REV3L: variants seen among roughly 807,000 people sequenced by gnomAD.
REV3L encodes REV3 like, DNA directed polymerase zeta catalytic subunit.
In REV3L, 69 loss-of-function variants were observed where a neutral mutation model predicts 299.4. The ratio of observed to expected loss-of-function variants is 0.23; its 90% confidence interval spans 0.19 to 0.28. The LOEUF (loss-of-function observed/expected upper bound fraction) is 0.28, where lower values mean the gene tolerates loss of function less well. Ranked by LOEUF, REV3L falls within the 10% of genes least tolerant of loss-of-function variation. The pLI is 1.00. For missense variants in REV3L, 3,128 were observed against 3,693.8 expected (o/e 0.85, Z 3.97); for synonymous variants, 1,238 against 1,271.4 (o/e 0.97, Z 0.56).
Position 111,372,545 on chromosome 6 carries a change from T to C in REV3L, c.5759+51A>G, listed in dbSNP as rs781576118. On this transcript the variant is annotated intron_variant, in intron 13 of 31. Coordinates refer to ENST00000368802, the MANE Select transcript of REV3L (RefSeq NM_001372078.1). ...TTTTTTCAATCCCCATAGCATAATT[T>C]TATATATCATAATAATTCAGAGTGA... is the stretch of plus-strand genomic sequence containing the variant. 5 of 1,344,972 alleles carry C rather than the reference T, an allele frequency of 3.7e-6. No homozygotes were observed. In the African/African-American group the frequency reaches 7.4e-5, roughly 20 times the overall value. 83.3% of individuals were successfully genotyped at this position (1,344,972 alleles called of 1,614,324 possible).
intron 1 of REV3L, among the ~76,000 whole-genome samples, chr6:111,418,456 C>G (rs111410238): frequency 6.6e-6 from 1 of 152,082 alleles, no homozygotes; most frequent in African/African-American, 2.4e-5. Context: ...GAAGAATTAC[C>G]TTTCTATTTA....
At chr6:111,323,152 A>T (rs965828068) in intron 25 of REV3L, among the ~76,000 whole-genome samples, 5 of 152,034 alleles carry the variant, frequency 3.3e-5, no homozygotes, top group Non-Finnish European at 5.9e-5. Context: ...CCACACCCAG[A>T]GAATTTTTGT....
At chr6:111,318,632 C>T (rs1353874599) in intron 26 of REV3L, among the ~76,000 whole-genome samples, 2 of 152,016 alleles carry the variant, frequency 1.3e-5, no homozygotes, top group African/African-American at 4.8e-5. Context: ...AGTGCAATGG[C>T]GTGATCTCAG....
chr6:111,482,125 C>A (rs926774065), intron 1 of REV3L, among the ~76,000 whole-genome samples: 28 of 152,206 alleles, frequency 1.8e-4, no homozygotes, highest in African/African-American at 6.8e-4. Flanking sequence ...GACGCTCAGG[C>A]ACTAAACTCT....
chr6:111,332,016 T>TA (rs1159793877), intron 23 of REV3L, among the ~76,000 whole-genome samples: 1 of 152,176 alleles, frequency 6.6e-6, no homozygotes, highest in East Asian at 1.9e-4. Flanking sequence ...AATTTATGGG[T>TA]AAAATCTATA....
At chr6:111,432,374 T>C (rs765397738) in intron 1 of REV3L, among the ~76,000 whole-genome samples, 1 of 152,176 alleles carries the variant, frequency 6.6e-6, no homozygotes, top group African/African-American at 2.4e-5. Context: ...AAAAAAGATA[T>C]TCCATGCAAC....
At chr6:111,391,861 C>T (rs1467884087) in intron 5 of REV3L, among the ~76,000 whole-genome samples, 4 of 152,218 alleles carry the variant, frequency 2.6e-5, no homozygotes, top group African/African-American at 9.6e-5. Context: ...TGGTGTTGCA[C>T]ACCTATAGTC....
At chr6:111,345,230 G>A (rs1426853542) in intron 20 of REV3L, among the ~76,000 whole-genome samples, 1 of 152,020 alleles carries the variant, frequency 6.6e-6, no homozygotes, top group Admixed American at 6.6e-5. Flanking sequence ...CAGATAAAGA[G>A]GATGAAAACA....
rs1277034880 is a variant in REV3L at position 111,483,015 on chromosome 6, CAG to C, written c.-129_-128del. 2 of 1,169,686 alleles carry C rather than the reference CAG, an allele frequency of 1.7e-6. No individual in the cohort carries two copies. Among genetic ancestry groups the C allele is most frequent in the African/African-American group, 3.2e-5 (2 of 61,576 alleles). The allele number at this position is 1,169,686 out of a possible 1,614,324, so 72.5% of individuals were successfully genotyped here. A position where few individuals can be genotyped will look rare whatever the true frequency, so the allele number is the denominator to read the frequency against. On this transcript the variant is annotated 5_prime_UTR_variant, in exon 1 of 32. Coordinates refer to ENST00000368802, the MANE Select transcript of REV3L (RefSeq NM_001372078.1). ...CTCGGCACGGCCCCCTCCCCTCACACAGAGGCACCTCGAGGAGCGGCGGGCGG... is the reference window on the plus strand; with the variant it reads ...CTCGGCACGGCCCCCTCCCCTCACACAGGCACCTCGAGGAGCGGCGGGCGG...
At position 111,475,711 on chromosome 6, in the gene REV3L, A is replaced by T. The variant is rs147742677; in HGVS notation, c.139+7039T>A. On this transcript the variant is annotated intron_variant, in intron 1 of 31. Transcript: ENST00000368802. ...TTAGCCCTTTGTGAAGTATACAAAT[A>T]AGTTTTACTAGTCTGTTTCTCTTTT... 5.5e-3 allele frequency among the ~76,000 whole-genome samples: 833 copies of T among 152,290 alleles called. 33 individuals are homozygous for T. Among genetic ancestry groups the T allele is most frequent in the Admixed American group, 0.05 (770 of 15,304 alleles).
chr6:111,382,868 G>A (rs1259436260), intron 9 of REV3L, among the ~76,000 whole-genome samples: 2 of 152,162 alleles, frequency 1.3e-5, no homozygotes, highest in East Asian at 3.8e-4. Flanking sequence ...GGACAGGAGA[G>A]GAAGGAGTGA....
At chr6:111,474,988 T>TATATATACACACAC (rs151075609) in intron 1 of REV3L, among the ~76,000 whole-genome samples, 96 of 145,948 alleles carry the variant, frequency 6.6e-4, no homozygotes, top group African/African-American at 2.3e-3. Context: ...TGCCTATATA[T>TATATATACACACAC]ACACACACAC....
At chr6:111,352,700 G>T (rs2114952429) in intron 18 of REV3L, among the ~76,000 whole-genome samples, 1 of 152,240 alleles carries the variant, frequency 6.6e-6, no homozygotes, top group Admixed American at 6.5e-5. Context: ...CTTAATGGAA[G>T]AATGAAATAT....
chr6:111,406,478 A>G (rs1783639751), intron 3 of REV3L, among the ~76,000 whole-genome samples: 1 of 152,214 alleles, frequency 6.6e-6, no homozygotes, highest in Admixed American at 6.5e-5. Flanking sequence ...AACACAGAAG[A>G]CTACAGGTAA....
intron 19 of REV3L, among the ~76,000 whole-genome samples, chr6:111,349,865 A>G (rs996840716): frequency 6.6e-6 from 1 of 152,252 alleles, no homozygotes; most frequent in Admixed American, 6.5e-5. Flanking sequence ...TCATGTTCAC[A>G]TTCAGGATGA....
At chr6:111,404,366 T>G (rs1783403661) in intron 4 of REV3L, among the ~76,000 whole-genome samples, 1 of 152,220 alleles carries the variant, frequency 6.6e-6, no homozygotes, top group South Asian at 2.1e-4. Context: ...ACAATGCACC[T>G]GGTCACCCAA....
intron 1 of REV3L, among the ~76,000 whole-genome samples, chr6:111,418,338 T>C (rs1784979645): frequency 6.6e-6 from 1 of 152,190 alleles, no homozygotes; most frequent in Admixed American, 6.5e-5. Context: ...CAAGAAACAA[T>C]TACAAAATTG....
chr6:111,368,343 T>C (rs1266069403), intron 13 of REV3L, among the ~76,000 whole-genome samples: 1 of 152,200 alleles, frequency 6.6e-6, no homozygotes, highest in African/African-American at 2.4e-5. Context: ...TCAGATTCCT[T>C]TCCTCTCCTA....
At chr6:111,453,751 A>G (rs973013189) in intron 1 of REV3L, among the ~76,000 whole-genome samples, 1 of 152,158 alleles carries the variant, frequency 6.6e-6, no homozygotes, top group Non-Finnish European at 1.5e-5. Context: ...TGGGAGGCTG[A>G]GGCGGGTAGA....
Sources: gnomAD v4.1 joint callset for allele counts (sites outside exome capture counted in the v4.1 genomes callset) on GRCh38, gnomAD v4.1.1 for gene constraint, MANE v1.5 for transcripts, NCBI Gene and HGNC (gene_info 2026-07-23, HGNC 2026-07-21) for gene names.